Variants in RNF115 observed in about 807,000 individuals in gnomAD.
RNF115 encodes the protein E3 ubiquitin-protein ligase RNF115.
RNF115 carries 31 observed loss-of-function variants against 39.2 expected under a neutral mutation model. The observed-to-expected ratio is 0.79, with a 90% confidence interval of 0.59 to 1.07. The LOEUF is 1.07. Ranked by LOEUF, RNF115 falls within the 50% of genes least tolerant of loss-of-function variation. RNF115 has a pLI of 0.00. For missense variants in RNF115, 384 were observed against 381.7 expected, an observed-to-expected ratio of 1.01 and a Z score of -0.05; for synonymous variants, 124 against 131.0, an observed-to-expected ratio of 0.95 and a Z score of 0.37.
chr1:145,762,211 TA>T (rs1168615753), intron 4 of RNF115, among the ~76,000 whole-genome samples: 2 of 152,206 alleles, frequency 1.3e-5, no homozygotes, highest in African/African-American at 4.8e-5. Flanking sequence ...GGTTAATGCC[TA>T]AATGAATTAA....
chr1:145,791,205 T>G (rs1484189525), intron 1 of RNF115, among the ~76,000 whole-genome samples: 1 of 151,716 alleles, frequency 6.6e-6, no homozygotes, highest in Non-Finnish European at 1.5e-5. Flanking sequence ...TACTTTTTAC[T>G]GTGTACATAC....
At chr1:145,809,236 G>A (rs1172671262) in intron 1 of RNF115, among the ~76,000 whole-genome samples, 1 of 149,592 alleles carries the variant, frequency 6.7e-6, no homozygotes, top group Non-Finnish European at 1.5e-5. Context: ...GCCCAGGCTG[G>A]AGTGCAGTGG....
At chr1:145,805,212 G>A (rs1649411445) in intron 1 of RNF115, among the ~76,000 whole-genome samples, 1 of 152,146 alleles carries the variant, frequency 6.6e-6, no homozygotes, top group African/African-American at 2.4e-5. Context: ...AATTTCACAA[G>A]TATGATCTAA....
At chr1:145,747,735 C>T (rs1553711944) in intron 8 of RNF115, among the ~76,000 whole-genome samples, 2 of 152,120 alleles carry the variant, frequency 1.3e-5, no homozygotes, top group Non-Finnish European at 2.9e-5. Flanking sequence ...TGACGTAGCA[C>T]AAAAGTAGCC....
At chr1:145,781,086 G>A (rs1553717309) in intron 3 of RNF115, among the ~76,000 whole-genome samples, 1 of 152,062 alleles carries the variant, frequency 6.6e-6, no homozygotes, top group Non-Finnish European at 1.5e-5. Flanking sequence ...CTGCTCCCAT[G>A]TAACTGGCAA....
intron 2 of RNF115, 24 bp downstream of exon 2, chr1:145,788,884 T>A: frequency 6.5e-7 from 1 of 1,544,340 alleles, no homozygotes; most frequent in Non-Finnish European, 8.9e-7. Flanking sequence ...GAATGTCTGA[T>A]TTATTCATGA....
Position 145,746,979 on chromosome 1 carries a change from A to G in RNF115, c.802T>C (p.Cys268Arg). The change falls in exon 9 of 9, where the codon TGT (cysteine) becomes CGT (arginine). Residue 268 changes from cysteine to arginine, a missense_variant. Physicochemically the swap from Cys to Arg is radical, Grantham distance 180. Transcript: ENST00000582693. ...WLELHDTCPV[C>R]RKSLNGEDST... ...TCCTCACCATTTAAGCTCTTCCTAC[A>G]TACAGGACATGTGTCATGCTGAAAC... 6.2e-7 allele frequency: 1 copy of G among 1,613,780 alleles called. No individual in the cohort carries two copies. The highest frequency in any genetic ancestry group is 8.5e-7 in the Non-Finnish European group (1 of 1,179,794).
intron 1 of RNF115, among the ~76,000 whole-genome samples, chr1:145,805,884 T>C (rs1484294741): frequency 2.0e-5 from 3 of 152,066 alleles, no homozygotes; most frequent in African/African-American, 7.2e-5. Context: ...ATACAATTTA[T>C]ATATAATTAA....
intron 1 of RNF115, among the ~76,000 whole-genome samples, chr1:145,805,186 A>G (rs1171095388): frequency 6.6e-6 from 1 of 152,244 alleles, no homozygotes; most frequent in African/African-American, 2.4e-5. Flanking sequence ...TTGACTTGCC[A>G]TCAATGACAT....
chr1:145,789,282 T>C (rs1183144819), intron 1 of RNF115, among the ~76,000 whole-genome samples: 1 of 152,104 alleles, frequency 6.6e-6, no homozygotes, highest in Non-Finnish European at 1.5e-5. Flanking sequence ...TTATTTTTTG[T>C]AGAGGATGAG....
At chr1:145,806,326 C>A (rs1257528719) in intron 1 of RNF115, among the ~76,000 whole-genome samples, 1 of 151,838 alleles carries the variant, frequency 6.6e-6, no homozygotes, top group Non-Finnish European at 1.5e-5. Context: ...CCAGCCTGGG[C>A]AACAGAGGAA....
In RNF115 at chr1:145,771,843, T is replaced by C; in HGVS notation, c.296A>G (p.Asp99Gly). 6.2e-7 allele frequency: 1 copy of C among 1,614,152 alleles called. No homozygotes were observed. The change falls in exon 4 of 9, where the codon GAT becomes GGT. Residue 99 changes from aspartate (D) to glycine (G), a missense_variant. Asp to Gly is a moderately conservative substitution (Grantham distance 94). Coordinates refer to ENST00000582693, the MANE Select transcript of RNF115 (RefSeq NM_014455.4). ...GTGACCCCTTTCATTGGCTCTATTA[T>C]CTTGGTCCAGTGGACTGCTACTTAG... ...PFLSSSPLDQ[D>G]NRANERGHQT...
chr1:145,770,866 TAC>T (rs782002541), intron 4 of RNF115, among the ~76,000 whole-genome samples: 1 of 152,220 alleles, frequency 6.6e-6, no homozygotes, highest in East Asian at 1.9e-4. Context: ...TAGTGTCTAG[TAC>T]AGTGTCCCAT....
At chr1:145,819,298 A>C in intron 1 of RNF115, among the ~76,000 whole-genome samples, 1 of 128,990 alleles carries the variant, frequency 7.8e-6, no homozygotes, top group Non-Finnish European at 1.6e-5. Flanking sequence ...AAAAAAAAAA[A>C]AACAGCCAGG....
At chr1:145,803,782 T>A (rs1294562848) in intron 1 of RNF115, among the ~76,000 whole-genome samples, 1 of 152,176 alleles carries the variant, frequency 6.6e-6, no homozygotes, top group Admixed American at 6.5e-5. Flanking sequence ...CTTCTTTAGC[T>A]CATTGTGTAC....
At chr1:145,758,834 T>C (rs988157549) in intron 4 of RNF115, among the ~76,000 whole-genome samples, 33 of 152,340 alleles carry the variant, frequency 2.2e-4, no homozygotes, top group African/African-American at 7.7e-4. Flanking sequence ...GTGGCCCCAA[T>C]GCATAAGAGC....
chr1:145,763,698 C>CAAA (rs1283983072), intron 4 of RNF115, among the ~76,000 whole-genome samples: 1 of 151,690 alleles, frequency 6.6e-6, no homozygotes, highest in Non-Finnish European at 1.5e-5. Flanking sequence ...GACTCCCTCT[C>CAAA]AAAAAAACAA....
chr1:145,749,378 C>T (rs1452659677), intron 7 of RNF115, among the ~76,000 whole-genome samples: 2 of 152,256 alleles, frequency 1.3e-5, no homozygotes, highest in East Asian at 3.9e-4. Flanking sequence ...CAGCAATCCC[C>T]AGCTCCTCTT....
chr1:145,752,948 G>A, intron 5 of RNF115, 30 bp downstream of exon 5: 1 of 1,454,466 alleles, frequency 6.9e-7, no homozygotes, highest in Non-Finnish European at 9.6e-7. Context: ...CACTCCAATA[G>A]AGTAAGATAG....
Sources: gnomAD v4.1 joint callset for allele counts (sites outside exome capture counted in the v4.1 genomes callset) on GRCh38, gnomAD v4.1.1 for gene constraint, MANE v1.5 for transcripts, NCBI Gene and HGNC (gene_info 2026-07-23, HGNC 2026-07-21) for gene names.